Variants in CNKSR3 observed in about 807,000 individuals in gnomAD.
CNKSR3 encodes the protein connector enhancer of kinase suppressor of ras 3.
CNKSR3 carries 36 observed loss-of-function variants against 67.7 expected under a neutral mutation model. The observed-to-expected ratio is 0.53, with a 90% CI of 0.41 to 0.70. The LOEUF (loss-of-function observed/expected upper bound fraction) is 0.70. Ranked by LOEUF, CNKSR3 falls within the 30% of genes least tolerant of loss-of-function variation. CNKSR3 has a pLI of 0.00. For synonymous variants in CNKSR3, 281 were observed against 271.4 expected, an observed-to-expected ratio of 1.04 and a Z score of -0.35; for missense variants, 630 against 695.2, an observed-to-expected ratio of 0.91 and a Z score of 1.05.
chr6:154,478,627 T>G (rs2114636002), intron 1 of CNKSR3: 1 of 152,366 alleles, frequency 6.6e-6, no homozygotes, highest in South Asian at 2.1e-4. Context: ...ATGCACATCC[T>G]CTTTTTACAA....
intron 9 of CNKSR3, among the ~76,000 whole-genome samples, chr6:154,416,352 ACC>A (rs1785023931): frequency 2.0e-5 from 3 of 151,926 alleles, no homozygotes; most frequent in South Asian, 2.1e-4. Flanking sequence ...CCAGAGTAGA[ACC>A]CCCATATTTT....
chr6:154,415,436 G>GA (rs1785005410), intron 9 of CNKSR3, among the ~76,000 whole-genome samples: 1 of 151,928 alleles, frequency 6.6e-6, no homozygotes, highest in African/African-American at 2.4e-5. Context: ...TTGCCATGTT[G>GA]GCCAGGCTGG....
chr6:154,419,428 A>T (rs1248706268), intron 9 of CNKSR3, among the ~76,000 whole-genome samples: 1 of 152,202 alleles, frequency 6.6e-6, no homozygotes, highest in Admixed American at 6.5e-5. Context: ...TCATCAGGGA[A>T]ATGCAAATCA....
At chr6:154,459,126 AAG>A (rs10571791) in intron 1 of CNKSR3, among the ~76,000 whole-genome samples, 4,434 of 151,014 alleles carry the variant, frequency 0.029, 215 homozygotes, top group African/African-American at 0.1. Flanking sequence ...AGAGAAGAAA[AAG>A]AGAGAGAAAG....
intron 1 of CNKSR3, among the ~76,000 whole-genome samples, chr6:154,490,122 T>G (rs964390523): frequency 6.6e-6 from 1 of 152,226 alleles, no homozygotes; most frequent in African/African-American, 2.4e-5. Context: ...TTTTAATGTT[T>G]TCTTATGCTT....
chr6:154,479,680 T>C (rs1432215204), intron 1 of CNKSR3, among the ~76,000 whole-genome samples: 1 of 152,212 alleles, frequency 6.6e-6, no homozygotes, highest in East Asian at 1.9e-4. Context: ...ACGAAAATTA[T>C]GGACGTCTCT....
intron 7 of CNKSR3, among the ~76,000 whole-genome samples, chr6:154,424,915 G>A (rs552190269): frequency 2.6e-5 from 4 of 152,222 alleles, no homozygotes; most frequent in South Asian, 4.1e-4. Flanking sequence ...GGGATTATAG[G>A]CACCCACCAC....
chr6:154,454,685 C>A (rs1785914120), intron 1 of CNKSR3, among the ~76,000 whole-genome samples: 1 of 151,986 alleles, frequency 6.6e-6, no homozygotes, highest in African/African-American at 2.4e-5. Context: ...CCACACCCAA[C>A]TAATTTTTCA....
At chr6:154,409,317 G>A (rs547688042) in intron 12 of CNKSR3, among the ~76,000 whole-genome samples, 1 of 152,218 alleles carries the variant, frequency 6.6e-6, no homozygotes, top group East Asian at 1.9e-4. Flanking sequence ...ATGTTATAAT[G>A]TTCTGCCAAT....
intron 1 of CNKSR3, among the ~76,000 whole-genome samples, chr6:154,464,310 G>C (rs1486281715): frequency 6.6e-6 from 1 of 152,152 alleles, no homozygotes; most frequent in Admixed American, 6.5e-5. Context: ...CCCAGAGAGG[G>C]CAAGAGCAGG....
chr6:154,498,956 C>T (rs1786929365), intron 1 of CNKSR3, among the ~76,000 whole-genome samples: 1 of 152,184 alleles, frequency 6.6e-6, no homozygotes, highest in African/African-American at 2.4e-5. Flanking sequence ...TTACATTCTG[C>T]TCCCCTATTC....
At position 154,398,701 on chromosome 6, in the gene CNKSR3, C is replaced by T. The variant is rs1784685903; in HGVS notation, c.*7653G>A. ...GGAGGTGGGCAAAATGCTCCGATTC[C>T]CTTTGTTTTCATATACGATTTCATT... On this transcript the variant is annotated 3_prime_UTR_variant, in exon 13 of 13. Coordinates refer to ENST00000607772, the MANE Select transcript of CNKSR3 (RefSeq NM_173515.4). The T allele has an allele frequency of 1.3e-5, 2 of 152,130 alleles. No individual in the cohort carries two copies. The highest frequency in any genetic ancestry group is 1.3e-4 in the Admixed American group (2 of 15,266). The allele number at this position is 152,130 out of a possible 1,614,324, so 9.4% of individuals were successfully genotyped here. A position where few individuals can be genotyped will look rare whatever the true frequency, so the allele number is the denominator to read the frequency against.
chr6:154,404,653 G>A lies in CNKSR3; in HGVS notation c.*1701C>T, dbSNP rs1432763018. ...TTGAGACCAGCCTGGCCAACGTAGT[G>A]AAACCCCGTCTCCACTAAAAATACA... On this transcript the variant is annotated 3_prime_UTR_variant, in exon 13 of 13. Transcript: ENST00000607772. 6.6e-6 allele frequency: 1 copy of A among 152,128 alleles called. No homozygotes were observed. Among genetic ancestry groups the A allele is most frequent in the Non-Finnish European group, 1.5e-5 (1 of 68,074 alleles). 9.4% of individuals were successfully genotyped at this position (152,128 alleles called of 1,614,324 possible).
intron 2 of CNKSR3, among the ~76,000 whole-genome samples, chr6:154,449,483 C>T (rs1446284912): frequency 6.6e-6 from 1 of 152,174 alleles, no homozygotes; most frequent in Non-Finnish European, 1.5e-5. Context: ...CTAGCCACAC[C>T]TGGCTAACTT....
chr6:154,472,340 T>G (rs1432522972), intron 1 of CNKSR3, among the ~76,000 whole-genome samples: 1 of 152,216 alleles, frequency 6.6e-6, no homozygotes, highest in Non-Finnish European at 1.5e-5. Context: ...CCAAGCTTAA[T>G]AAAATACTAA....
Position 154,411,120 on chromosome 6 carries a change from A to G in CNKSR3, c.1093T>C (p.Tyr365His), listed in dbSNP as rs1784903508. ...TGTTTGCACTTACTGGACCCTCCAT[A>G]AACAAAACTGCCATTCTCATCCCTG... ...SPRDENGSFV[Y>H]GGSSKCKQPL... is the part of the protein sequence containing the mutation. Residue 365 changes from tyrosine to histidine, a missense_variant, in exon 11 of 13, where the codon TAT becomes CAT. Around this residue, in one of 3 missense-constraint regions of CNKSR3, gnomAD observed 308 missense variants for 299.6 expected, o/e 1.03. Coordinates refer to ENST00000607772, the MANE Select transcript of CNKSR3 (RefSeq NM_173515.4). The G allele has an allele frequency of 6.2e-7, 1 of 1,612,236 alleles. No individual in the cohort carries two copies. Among genetic ancestry groups the G allele is most frequent in the African/African-American group, 1.3e-5 (1 of 74,898 alleles).
At chr6:154,451,288 T>C (rs1295904378) in intron 1 of CNKSR3, among the ~76,000 whole-genome samples, 6 of 152,244 alleles carry the variant, frequency 3.9e-5, no homozygotes, top group African/African-American at 1.4e-4. Context: ...TGGAATAACA[T>C]TTTACCCTGA....
At chr6:154,453,443 C>T (rs967183803) in intron 1 of CNKSR3, among the ~76,000 whole-genome samples, 2 of 152,150 alleles carry the variant, frequency 1.3e-5, no homozygotes, top group Non-Finnish European at 2.9e-5. Context: ...TAACCAGAAT[C>T]TCCTTGAGGA....
chr6:154,486,580 C>G (rs1179851313), intron 1 of CNKSR3, among the ~76,000 whole-genome samples: 1 of 149,444 alleles, frequency 6.7e-6, no homozygotes, highest in Non-Finnish European at 1.5e-5. Flanking sequence ...ACAACCTCCC[C>G]CTCCTGGGTT....
Sources: allele counts gnomAD v4.1 joint callset (sites outside exome capture counted in the v4.1 genomes callset), GRCh38; gene constraint gnomAD v4.1.1; regional missense constraint gnomAD v4.1.1; transcripts MANE v1.5; gene names NCBI Gene and HGNC (gene_info 2026-07-23, HGNC 2026-07-21).